The following CLVS2 variants were observed in gnomAD, a reference collection of about 807,000 sequenced individuals.
CLVS2 encodes the protein clavesin-2.
CLVS2 carries 19 observed loss-of-function variants against 29.0 expected under a neutral mutation model. The ratio of observed to expected loss-of-function variants is 0.66; its 90% CI spans 0.46 to 0.96. The LOEUF is 0.96. Among genes scored for constraint, CLVS2 ranks in the 40% least tolerant of loss-of-function variants. The probability of loss-of-function intolerance (pLI) is 0.00; values close to 1 mark genes in which losing one functional copy is unlikely to be tolerated. For missense variants in CLVS2, 294 were observed against 404.1 expected (o/e 0.73, Z 2.34); for synonymous variants, 161 against 151.3 (o/e 1.06, Z -0.47).
chr6:123,033,689 C>A (rs1386277974), intron 3 of CLVS2, among the ~76,000 whole-genome samples: 2 of 151,276 alleles, frequency 1.3e-5, no homozygotes, highest in Non-Finnish European at 2.9e-5. Context: ...AGAGCATAAT[C>A]AAAAAATAAA....
Position 123,066,891 on chromosome 6 carries a change from GTC to G in CLVS2, c.*3134_*3135del, listed in dbSNP as rs1772870924. 1 of 151,654 alleles carries G rather than the reference GTC, an allele frequency of 6.6e-6. No homozygotes were observed. Among genetic ancestry groups the G allele is most frequent in the Non-Finnish European group, 1.5e-5 (1 of 67,716 alleles). 9.4% of individuals were successfully genotyped at this position (151,654 alleles called of 1,614,324 possible). ...TTTGAACATACTCATACAGTATTAA[GTC>G]TCTGTTGTGTAAGTTAAATACAGTA... is the stretch of plus-strand genomic sequence containing the variant. On this transcript the variant is annotated 3_prime_UTR_variant, in exon 6 of 6. Coordinates refer to ENST00000275162, the MANE Select transcript of CLVS2 (RefSeq NM_001010852.4).
chr6:123,052,376 T>G (rs10155723), intron 4 of CLVS2, among the ~76,000 whole-genome samples: 22,103 of 152,166 alleles, frequency 0.15, 3,352 homozygotes, highest in African/African-American at 0.38. Context: ...TAGAAGGAGA[T>G]GGGTTCAAAG....
intron 3 of CLVS2, among the ~76,000 whole-genome samples, chr6:123,044,310 A>G (rs1775277000): frequency 6.6e-6 from 1 of 152,204 alleles, no homozygotes; most frequent in Admixed American, 6.5e-5. Flanking sequence ...ACTGCCGCTT[A>G]AACCACAGTG....
chr6:123,060,160 A>G (rs1772754571), intron 5 of CLVS2, among the ~76,000 whole-genome samples: 1 of 152,182 alleles, frequency 6.6e-6, no homozygotes, highest in African/African-American at 2.4e-5. Context: ...AAGAGGGAGA[A>G]AATAATTCCA....
At chr6:123,033,321 A>G (rs1775108693) in intron 3 of CLVS2, among the ~76,000 whole-genome samples, 3 of 152,128 alleles carry the variant, frequency 2.0e-5, no homozygotes, top group Non-Finnish European at 4.4e-5. Flanking sequence ...TAGCAGTAAT[A>G]GTATTAGAGA....
chr6:123,055,901 C>T lies in CLVS2; in HGVS notation c.771C>T (p.Asp257=). The T allele has an allele frequency of 6.2e-7, 1 of 1,613,952 alleles. No individual in the cohort carries two copies. Among genetic ancestry groups the T allele is most frequent in the Non-Finnish European group, 8.5e-7 (1 of 1,179,862 alleles). The change falls in exon 5 of 6, where the codon GAC becomes GAT. Residue 257 remains aspartate (D), a synonymous_variant. Transcript: ENST00000275162. ...TTGGAGGAATGCTGCCTCCTTATGA[C>T]ATGGGGACATGGGCAAGAACACTGC... ...SEFGGMLPPY[D]MGTWARTLLD...
In CLVS2 at chr6:123,068,628, A is replaced by C. The variant is rs1772896812; in HGVS notation, c.*4867A>C. 1 of 151,744 alleles carries C rather than the reference A, an allele frequency of 6.6e-6. No homozygotes were observed. The allele number at this position is 151,744 out of a possible 1,614,324, so 9.4% of individuals were successfully genotyped here. Reference sequence around the variant, plus strand: ...AAAACCAAATAGTTTTTGTTTTCAAAGCTATCCAGGAAAAATAAAAGATGT... The same window carrying C: ...AAAACCAAATAGTTTTTGTTTTCAACGCTATCCAGGAAAAATAAAAGATGT... On this transcript the variant is annotated 3_prime_UTR_variant, in exon 6 of 6. Coordinates refer to ENST00000275162, the MANE Select transcript of CLVS2 (RefSeq NM_001010852.4).
intron 3 of CLVS2, among the ~76,000 whole-genome samples, chr6:123,026,915 C>T (rs1775010243): frequency 6.6e-6 from 1 of 152,102 alleles, no homozygotes; most frequent in Non-Finnish European, 1.5e-5. Context: ...TTGTTCTTGT[C>T]TGTTAGTTAT....
chr6:123,046,891 C>A (rs1582661018), intron 3 of CLVS2, among the ~76,000 whole-genome samples: 1 of 152,096 alleles, frequency 6.6e-6, no homozygotes, highest in Non-Finnish European at 1.5e-5. Context: ...AAGCCAAGCA[C>A]ACACTAAAAT....
intron 3 of CLVS2, among the ~76,000 whole-genome samples, chr6:123,046,765 G>T (rs1022685418): frequency 6.6e-6 from 1 of 152,064 alleles, no homozygotes. Flanking sequence ...TAGTGCAGCA[G>T]GTTAACAATT....
At chr6:123,034,362 T>G (rs1042043178) in intron 3 of CLVS2, among the ~76,000 whole-genome samples, 14 of 152,122 alleles carry the variant, frequency 9.2e-5, no homozygotes, top group African/African-American at 3.1e-4. Context: ...TACCATAAAA[T>G]ACTACCTTGC....
chr6:123,070,907 G>A lies in CLVS2; in HGVS notation c.*7146G>A, dbSNP rs1472479457. The stretch of plus-strand genomic sequence containing the variant: ...GCCTCTAATTTCAGATATCCACGTG[G>A]TTTATTCCCTCATCTTCTTCAGGTA... On this transcript the variant is annotated 3_prime_UTR_variant, in exon 6 of 6. Transcript: ENST00000275162. The A allele has an allele frequency of 2.0e-5, 3 of 151,816 alleles. No homozygotes were observed. Among genetic ancestry groups the A allele is most frequent in the African/African-American group, 7.3e-5 (3 of 41,366 alleles). 9.4% of individuals were successfully genotyped at this position (151,816 alleles called of 1,614,324 possible).
At chr6:123,042,021 T>G (rs1364106718) in intron 3 of CLVS2, among the ~76,000 whole-genome samples, 5 of 152,196 alleles carry the variant, frequency 3.3e-5, no homozygotes. Flanking sequence ...TTGTATCATT[T>G]TAATCACTAT....
chr6:123,055,471 G>A (rs891358716), intron 4 of CLVS2, among the ~76,000 whole-genome samples: 1 of 152,136 alleles, frequency 6.6e-6, no homozygotes, highest in African/African-American at 2.4e-5. Context: ...ACTAACACCA[G>A]GATGATGTAC....
chr6:123,034,658 T>C (rs1385026461), intron 3 of CLVS2, among the ~76,000 whole-genome samples: 1 of 152,118 alleles, frequency 6.6e-6, no homozygotes, highest in Admixed American at 6.6e-5. Context: ...TGGTAGTGGT[T>C]ACACAAAGCT....
intron 3 of CLVS2, among the ~76,000 whole-genome samples, chr6:123,028,859 A>C (rs1775040709): frequency 6.6e-6 from 1 of 152,128 alleles, no homozygotes; most frequent in African/African-American, 2.4e-5. Flanking sequence ...ACATTTTGTC[A>C]GTTTATCGTC....
chr6:123,068,021 T>G lies in CLVS2; in HGVS notation c.*4260T>G. The G allele has an allele frequency of 6.6e-6, 1 of 151,826 alleles. No individual in the cohort carries two copies. Among genetic ancestry groups the G allele is most frequent in the East Asian group, 1.9e-4 (1 of 5,184 alleles). 9.4% of individuals were successfully genotyped at this position (151,826 alleles called of 1,614,324 possible). A position where few individuals can be genotyped will look rare whatever the true frequency, so the allele number is the denominator to read the frequency against. On this transcript the variant is annotated 3_prime_UTR_variant, in exon 6 of 6. Coordinates refer to ENST00000275162, the MANE Select transcript of CLVS2 (RefSeq NM_001010852.4). ...CAATGGCTTAGAGAATATAATCTTT[T>G]TTAAGAATTAAAGATTTTATTTTAT...
intron 2 of CLVS2, among the ~76,000 whole-genome samples, chr6:123,002,851 T>C (rs6911264): frequency 0.76 from 115,441 of 152,036 alleles, 44,477 homozygotes; most frequent in East Asian, 0.92. Context: ...GTAAAAATTC[T>C]GGAGGCATGG....
chr6:123,027,069 G>A (rs766938763), intron 3 of CLVS2, among the ~76,000 whole-genome samples: 20 of 152,130 alleles, frequency 1.3e-4, no homozygotes, highest in African/African-American at 3.9e-4. Context: ...TATGGGTATC[G>A]TAATGAGTCT....
Sources: gnomAD v4.1 joint callset for allele counts (sites outside exome capture counted in the v4.1 genomes callset) on GRCh38, gnomAD v4.1.1 for gene constraint, MANE v1.5 for transcripts, NCBI Gene and HGNC (gene_info 2026-07-23, HGNC 2026-07-21) for gene names.